Variants in SLC36A1 observed in about 807,000 individuals in gnomAD.
SLC36A1 encodes the protein proton-coupled amino acid transporter 1.
A neutral mutation model predicts 47.5 loss-of-function variants in SLC36A1; 30 were observed. That is an observed-to-expected ratio of 0.63 (90% CI 0.47 to 0.86). The LOEUF (loss-of-function observed/expected upper bound fraction) is 0.86, where lower values mean the gene tolerates loss of function less well. Among genes scored for constraint, SLC36A1 ranks in the 40% least tolerant of loss-of-function variants. SLC36A1 has a pLI of 0.00. For missense variants in SLC36A1, 517 were observed against 606.0 expected, an observed-to-expected ratio of 0.85 and a Z score of 1.54; for synonymous variants, 255 against 249.7, an observed-to-expected ratio of 1.02 and a Z score of -0.20.
At chr5:151,540,941 C>T in the SLC36A1 span, among the ~76,000 whole-genome samples, 8 of 152,240 alleles carry the variant, frequency 5.3e-5, no homozygotes, top group Admixed American at 1.3e-4. Context: ...TATGAAGCTA[C>T]TTCTACTTCA....
the SLC36A1 span, chr5:151,545,056 C>T: frequency 6.2e-7 from 1 of 1,614,210 alleles, no homozygotes; most frequent in Non-Finnish European, 8.5e-7. Flanking sequence ...CGCCACACCT[C>T]TTGTCTGCAA....
the SLC36A1 span, chr5:151,540,463 G>GC: frequency 1.3e-6 from 1 of 762,568 alleles, no homozygotes; most frequent in African/African-American, 1.9e-5. Context: ...CTGTTCTCCT[G>GC]CCCCTCAATC....
intron 10 of SLC36A1, 34 bp from the exon 11 acceptor site, chr5:151,487,949 G>A: frequency 6.2e-7 from 1 of 1,610,624 alleles, no homozygotes. Flanking sequence ...CCAGCTCTGG[G>A]CATCTTAAAC....
the SLC36A1 span, chr5:151,540,894 GAA>G: frequency 5.0e-6 from 4 of 799,878 alleles, no homozygotes; most frequent in South Asian, 1.9e-5. Flanking sequence ...CCTTAACTAG[GAA>G]CCCACGATTC....
intron 1 of SLC36A1, among the ~76,000 whole-genome samples, chr5:151,456,211 G>C (rs1376774897): frequency 6.6e-6 from 1 of 152,082 alleles, no homozygotes; most frequent in African/African-American, 2.4e-5. Flanking sequence ...GTCTCACTAT[G>C]GTGCCCAGGC....
At chr5:151,471,138 T>C (rs1467255857) in intron 7 of SLC36A1, among the ~76,000 whole-genome samples, 2 of 152,220 alleles carry the variant, frequency 1.3e-5, no homozygotes, top group African/African-American at 4.8e-5. Context: ...TGCAATACAT[T>C]AAATGTATGT....
chr5:151,517,021 T>C, the SLC36A1 span, among the ~76,000 whole-genome samples: 10 of 151,354 alleles, frequency 6.6e-5, no homozygotes, highest in African/African-American at 2.2e-4. Flanking sequence ...GGCAGGAGAA[T>C]CGCTTGAACC....
chr5:151,375,948 G>T, the SLC36A1 span, among the ~76,000 whole-genome samples: 6 of 152,140 alleles, frequency 3.9e-5, no homozygotes, highest in African/African-American at 1.4e-4. Context: ...TCAAACAGAG[G>T]TACTTTAACT....
the SLC36A1 span, among the ~76,000 whole-genome samples, chr5:151,500,869 C>G: frequency 6.6e-6 from 1 of 152,222 alleles, no homozygotes; most frequent in East Asian, 1.9e-4. Flanking sequence ...GGCCTCCCCG[C>G]AGGCCCAGTA....
the SLC36A1 span, among the ~76,000 whole-genome samples, chr5:151,426,891 G>T: frequency 6.6e-6 from 1 of 152,190 alleles, no homozygotes; most frequent in Non-Finnish European, 1.5e-5. Flanking sequence ...GAATGGCGAT[G>T]ACTTTTACCA....
At chr5:151,535,390 GC>G in the SLC36A1 span, among the ~76,000 whole-genome samples, 1 of 151,930 alleles carries the variant, frequency 6.6e-6, no homozygotes, top group Non-Finnish European at 1.5e-5. Context: ...AGAGTCTCCT[GC>G]CTTATACCCT....
the SLC36A1 span, among the ~76,000 whole-genome samples, chr5:151,392,053 G>T: frequency 6.6e-6 from 1 of 152,040 alleles, no homozygotes; most frequent in African/African-American, 2.4e-5. Flanking sequence ...TGCTTGGTAG[G>T]CTATTAATTA....
At chr5:151,515,690 G>C in the SLC36A1 span, among the ~76,000 whole-genome samples, 1 of 152,062 alleles carries the variant, frequency 6.6e-6, no homozygotes, top group African/African-American at 2.4e-5. Flanking sequence ...CAAAATCTTT[G>C]TAGAATCTAT....
rs555693703 is a variant in SLC36A1 at position 151,479,424 on chromosome 5, G to T, written c.1094G>T (p.Arg365Leu). 3 of 1,614,152 alleles carry T rather than the reference G, an allele frequency of 1.9e-6. No homozygotes were observed. Among genetic ancestry groups the T allele is most frequent in the Non-Finnish European group, 2.5e-6 (3 of 1,180,012 alleles). The part of the protein sequence containing the change: ...AEIIIPFFVS[R>L]APEHCELVVD... Reference sequence around the variant, plus strand: ...ATCATCATCCCCTTCTTTGTGTCCCGAGCGCCCGAGCACTGTGAGTTAGTG... The same window carrying T: ...ATCATCATCCCCTTCTTTGTGTCCCTAGCGCCCGAGCACTGTGAGTTAGTG... The change falls in exon 10 of 11, where the codon CGA becomes CTA. Residue 365 changes from arginine (R) to leucine (L), a missense_variant. Coordinates refer to ENST00000243389, the MANE Select transcript of SLC36A1 (RefSeq NM_078483.4).
the SLC36A1 span, among the ~76,000 whole-genome samples, chr5:151,362,477 G>A: frequency 7.9e-4 from 113 of 143,182 alleles, no homozygotes; most frequent in Non-Finnish European, 1.4e-3. Context: ...TGCAACCTCC[G>A]CCTCCTAAGT....
the SLC36A1 span, chr5:151,422,357 G>T: frequency 2.6e-5 from 4 of 152,310 alleles, no homozygotes; most frequent in South Asian, 2.1e-4. Context: ...TGTAAAAGAC[G>T]TGGGATGAAG....
the SLC36A1 span, chr5:151,554,726 C>G: frequency 2.9e-6 from 4 of 1,400,666 alleles, no homozygotes; most frequent in Non-Finnish European, 3.9e-6. Flanking sequence ...AAATTAGTGA[C>G]TATGCTTTAA....
chr5:151,508,540 T>A, the SLC36A1 span, among the ~76,000 whole-genome samples: 1 of 152,110 alleles, frequency 6.6e-6, no homozygotes. Flanking sequence ...TGAAACCCCG[T>A]ATCTACTAAA....
chr5:151,456,285 A>G (rs954529270), intron 1 of SLC36A1, among the ~76,000 whole-genome samples: 1 of 152,188 alleles, frequency 6.6e-6, no homozygotes, highest in Non-Finnish European at 1.5e-5. Context: ...CTGGGATTAC[A>G]GGTGTGAGAC....
Sources: gnomAD v4.1 joint callset for allele counts (sites outside exome capture counted in the v4.1 genomes callset) on GRCh38, gnomAD v4.1.1 for gene constraint, MANE v1.5 for transcripts, NCBI Gene and HGNC (gene_info 2026-07-23, HGNC 2026-07-21) for gene names.